SLC39A14: variants seen among roughly 807,000 people sequenced by gnomAD.
SLC39A14 encodes metal cation symporter ZIP14.
In SLC39A14, 19 loss-of-function variants were observed where a neutral mutation model predicts 45.5. The observed-to-expected ratio is 0.42, with a 90% CI of 0.29 to 0.61. The LOEUF is 0.61. Ranked by LOEUF, SLC39A14 falls within the 20% of genes least tolerant of loss-of-function variation. SLC39A14 has a pLI of 0.22. For synonymous variants in SLC39A14, 264 were observed against 251.3 expected, an observed-to-expected ratio of 1.05 and a Z score of -0.48; for missense variants, 447 against 616.5, an observed-to-expected ratio of 0.73 and a Z score of 2.91.
chr8:22,412,405 A>G (rs766564971), intron 4 of SLC39A14, among the ~76,000 whole-genome samples, 199 bp downstream of exon 4: 7 of 152,232 alleles, frequency 4.6e-5, no homozygotes, highest in Non-Finnish European at 1.0e-4. Context: ...TGCTATCAGT[A>G]GGTTCCGTAA....
intron 7 of SLC39A14, among the ~76,000 whole-genome samples, chr8:22,417,139 T>C (rs1414045902): frequency 1.3e-5 from 2 of 152,234 alleles, no homozygotes; most frequent in Non-Finnish European, 2.9e-5. Flanking sequence ...TATATTGACT[T>C]GTGACTTCGG....
At position 22,422,507 on chromosome 8, in the gene SLC39A14, A is replaced by G; in HGVS notation, c.*2809A>G. ...AACAAAGTTGTCTGATTTTTGCAAG[A>G]GAGGTTAGGATTTTATTGTTCTTAT... On this transcript the variant is annotated 3_prime_UTR_variant, in exon 9 of 9. Coordinates refer to ENST00000381237, the MANE Select transcript of SLC39A14 (RefSeq NM_001128431.4). The G allele has an allele frequency of 1.0e-6, 1 of 985,866 alleles. No individual in the cohort carries two copies. The highest frequency in any genetic ancestry group is 1.2e-6 in the Non-Finnish European group (1 of 829,928). 61.1% of individuals were successfully genotyped at this position (985,866 alleles called of 1,614,324 possible).
intron 1 of SLC39A14, among the ~76,000 whole-genome samples, chr8:22,378,384 G>T (rs556080457): frequency 6.6e-6 from 1 of 152,332 alleles, no homozygotes; most frequent in East Asian, 1.9e-4. Context: ...AACTTAGGGT[G>T]TCAGTTGGGT....
intron 4 of SLC39A14, among the ~76,000 whole-genome samples, chr8:22,413,246 C>CT (rs776037560): frequency 3.3e-5 from 5 of 152,216 alleles, no homozygotes; most frequent in Non-Finnish European, 7.3e-5. Context: ...GCATGCGCCT[C>CT]TTACAACACT....
intron 1 of SLC39A14, among the ~76,000 whole-genome samples, chr8:22,396,730 C>G (rs1031920455): frequency 3.2e-4 from 49 of 151,558 alleles, no homozygotes; most frequent in Non-Finnish European, 2.9e-5. Flanking sequence ...TGCTCTTCCC[C>G]GGTAGCTTTT....
At chr8:22,378,103 C>G (rs1012057630) in intron 1 of SLC39A14, among the ~76,000 whole-genome samples, 22 of 152,212 alleles carry the variant, frequency 1.4e-4, no homozygotes. Flanking sequence ...ACCACCTGCT[C>G]TTGGTAGGCA....
At chr8:22,382,154 C>CA (rs1234435289) in intron 1 of SLC39A14, among the ~76,000 whole-genome samples, 47 of 150,266 alleles carry the variant, frequency 3.1e-4, no homozygotes, top group Middle Eastern at 3.4e-3. Flanking sequence ...AAACAACAAC[C>CA]AAAAAAAACA....
At chr8:22,394,615 G>A (rs1365204001) in intron 1 of SLC39A14, among the ~76,000 whole-genome samples, 7 of 152,182 alleles carry the variant, frequency 4.6e-5, no homozygotes, top group South Asian at 4.2e-4. Context: ...CACTGTGCCC[G>A]GCCGATTTTT....
At position 22,404,779 on chromosome 8, in the gene SLC39A14, A is replaced by C. The variant is rs1241855363; in HGVS notation, c.69A>C (p.Arg23Ser). ...TGCTGACCCTGCTTGGCTTATGGAG[A>C]ACCACCCCTGAGGCTCACGCTTCAT... ...CLLLTLLGLW[R>S]TTPEAHASSL... Residue 23 changes from arginine (R) to serine (S), a missense_variant, in exon 2 of 9, where the codon AGA becomes AGC. This residue lies in a region of SLC39A14 where 342 missense variants were observed against 428.1 expected (regional missense o/e 0.80). Transcript: ENST00000381237. 1.9e-6 allele frequency: 3 copies of C among 1,613,286 alleles called. No individual in the cohort carries two copies. The South Asian group carries it at 3.3e-5, about 18-fold the overall frequency.
chr8:22,409,288 C>T (rs1375669899), intron 3 of SLC39A14, among the ~76,000 whole-genome samples: 1 of 152,226 alleles, frequency 6.6e-6, no homozygotes, highest in African/African-American at 2.4e-5. Flanking sequence ...CCGGCGTGTG[C>T]TGCCTGAGTG....
intron 1 of SLC39A14, among the ~76,000 whole-genome samples, chr8:22,403,915 AAAACAAAC>A (rs144988599): frequency 6.7e-5 from 10 of 150,366 alleles, no homozygotes; most frequent in South Asian, 2.1e-4. Flanking sequence ...GACTGTCTCA[AAAACAAAC>A]AAACAAACAA....
At chr8:22,407,782 T>C (rs1192930816) in intron 2 of SLC39A14, among the ~76,000 whole-genome samples, 1 of 151,754 alleles carries the variant, frequency 6.6e-6, no homozygotes, top group African/African-American at 2.4e-5. Context: ...TCATAGCTCC[T>C]TCACTGTAGC....
chr8:22,396,409 GA>G (rs1834400499), intron 1 of SLC39A14, among the ~76,000 whole-genome samples: 3 of 4,822 alleles, frequency 6.2e-4, no homozygotes, highest in African/African-American at 3.2e-3. Flanking sequence ...GAGAGAGAGA[GA>G]GAGGGGGGGG....
chr8:22,405,016 C>T (rs750889630), intron 2 of SLC39A14, 36 bp downstream of exon 2: 2 of 1,593,468 alleles, frequency 1.3e-6, no homozygotes, highest in South Asian at 1.1e-5. Flanking sequence ...CTCTGCTCAG[C>T]CCCGTCTCTG....
chr8:22,411,858 C>G (rs557428818), intron 3 of SLC39A14, 179 bp from the exon 4 acceptor site: 1 of 578,182 alleles, frequency 1.7e-6, no homozygotes, highest in African/African-American at 1.9e-5. Context: ...ATTTCTCTCT[C>G]CCTCCCTACT....
chr8:22,409,370 CT>C (rs1272241651), intron 3 of SLC39A14, among the ~76,000 whole-genome samples: 4 of 143,170 alleles, frequency 2.8e-5, no homozygotes, highest in South Asian at 2.4e-4. Flanking sequence ...ACTTGTATGG[CT>C]TTTTTTGTTT....
At chr8:22,384,863 A>C (rs1225476733) in intron 1 of SLC39A14, among the ~76,000 whole-genome samples, 1 of 152,106 alleles carries the variant, frequency 6.6e-6, no homozygotes, top group Non-Finnish European at 1.5e-5. Context: ...CAGCGTCACC[A>C]ACAAGGTGAA....
intron 3 of SLC39A14, chr8:22,410,140 G>A (rs768764548): frequency 2.2e-5 from 36 of 1,613,028 alleles, no homozygotes; most frequent in Admixed American, 1.5e-4. Context: ...AAACTTGCGC[G>A]TCCTCTTTCC....
intron 2 of SLC39A14, among the ~76,000 whole-genome samples, chr8:22,406,920 C>G (rs1383130590): frequency 2.0e-5 from 3 of 152,198 alleles, no homozygotes; most frequent in African/African-American, 7.2e-5. Context: ...ACCAAGAGGG[C>G]TGACTCTCAG....
Sources: gnomAD v4.1 joint callset for allele counts (sites outside exome capture counted in the v4.1 genomes callset) on GRCh38, gnomAD v4.1.1 for gene constraint, gnomAD v4.1.1 regional missense constraint, MANE v1.5 for transcripts, NCBI Gene and HGNC (gene_info 2026-07-23, HGNC 2026-07-21) for gene names.